GALNTL6: variants seen among roughly 807,000 people sequenced by gnomAD.
The protein encoded by GALNTL6 is polypeptide N-acetylgalactosaminyltransferase-like 6.
A neutral mutation model predicts 73.7 loss-of-function variants in GALNTL6; 46 were observed. The observed-to-expected ratio is 0.62, with a 90% CI of 0.49 to 0.80. GALNTL6 has a LOEUF of 0.80. Among genes scored for constraint, GALNTL6 ranks in the 30% least tolerant of loss-of-function variants. The pLI, the probability that GALNTL6 is intolerant of heterozygous loss-of-function variation, is 0.00. For missense variants in GALNTL6, 604 were observed against 755.0 expected (o/e 0.80, Z 2.34); for synonymous variants, 259 against 263.7 (o/e 0.98, Z 0.17).
At chr4:173,005,114 A>AC (rs2126484622) in intron 10 of GALNTL6, among the ~76,000 whole-genome samples, 1 of 568 alleles carries the variant, frequency 1.8e-3, no homozygotes, top group African/African-American at 2.4e-3. Context: ...GGCCGGTATT[A>AC]AGCTAAGCCT....
At chr4:172,058,342 C>T (rs535268657) in intron 2 of GALNTL6, among the ~76,000 whole-genome samples, 10 of 152,022 alleles carry the variant, frequency 6.6e-5, no homozygotes, top group South Asian at 6.2e-4. Context: ...AAATTGAGAC[C>T]GAATTAAATA....
chr4:172,440,010 G>A (rs1579073068), intron 5 of GALNTL6, among the ~76,000 whole-genome samples: 1 of 152,044 alleles, frequency 6.6e-6, no homozygotes, highest in Non-Finnish European at 1.5e-5. Flanking sequence ...ACCAAATGCT[G>A]GTAAGGATGT....
intron 5 of GALNTL6, among the ~76,000 whole-genome samples, chr4:172,673,834 C>T (rs749011209): frequency 2.6e-5 from 4 of 152,122 alleles, no homozygotes; most frequent in Non-Finnish European, 5.9e-5. Context: ...GGATTTTTCT[C>T]CCTCCCTTTA....
chr4:172,482,843 C>G (rs1733538547), intron 5 of GALNTL6, among the ~76,000 whole-genome samples: 5 of 152,096 alleles, frequency 3.3e-5, no homozygotes, highest in Admixed American at 2.0e-4. Context: ...GTACCCAGCA[C>G]AAAGTAAAAA....
rs114856739 is a variant in GALNTL6, at chr4:172,249,751, T to G, written c.247+19987T>G. Among the ~76,000 whole-genome samples the G allele has an allele frequency of 7.7e-3, 1,168 of 152,308 alleles. 14 individuals are homozygous for G. The highest frequency in any genetic ancestry group is 0.026 in the African/African-American group (1,094 of 41,570). ...CCAAGCCTTGCCAGCTTCCAGGTCG[T>G]GTAGGTCCTGTGGATTCTCAGAAGA... On this transcript the variant is annotated intron_variant, in intron 3 of 12. Coordinates refer to ENST00000506823, the MANE Select transcript of GALNTL6 (RefSeq NM_001034845.3).
intron 9 of GALNTL6, among the ~76,000 whole-genome samples, chr4:172,939,107 T>C (rs947250327): frequency 6.6e-6 from 1 of 152,060 alleles, no homozygotes; most frequent in South Asian, 2.1e-4. Context: ...CTGGGCAACA[T>C]AGCAAGGCCC....
At chr4:172,420,696 A>G (rs1378964333) in intron 5 of GALNTL6, among the ~76,000 whole-genome samples, 3 of 152,092 alleles carry the variant, frequency 2.0e-5, no homozygotes, top group African/African-American at 7.2e-5. Flanking sequence ...TCCTTAGTAT[A>G]TATGAGTTCA....
intron 5 of GALNTL6, among the ~76,000 whole-genome samples, chr4:172,788,683 A>T: frequency 6.6e-6 from 1 of 151,416 alleles, no homozygotes; most frequent in Non-Finnish European, 1.5e-5. Context: ...AAAAAAAAAA[A>T]AAAAAAAAGA....
chr4:172,307,768 A>G (rs547782944), intron 3 of GALNTL6, among the ~76,000 whole-genome samples: 3 of 152,256 alleles, frequency 2.0e-5, no homozygotes, highest in East Asian at 1.9e-4. Context: ...GCCTTGTAGT[A>G]TAATTTGAAG....
intron 5 of GALNTL6, among the ~76,000 whole-genome samples, chr4:172,512,553 T>C (rs1360438507): frequency 6.6e-6 from 1 of 152,206 alleles, no homozygotes; most frequent in African/African-American, 2.4e-5. Context: ...GTTTATGCTC[T>C]AAGAAGGTTC....
chr4:172,745,430 C>CATATATATATATAT (rs960280899), intron 5 of GALNTL6, among the ~76,000 whole-genome samples: 5 of 107,434 alleles, frequency 4.7e-5, no homozygotes, highest in African/African-American at 1.7e-4. Flanking sequence ...CTTTTCAAAA[C>CATATATATATATAT]ATATATATAT....
chr4:171,869,991 T>C (rs1736091015), intron 2 of GALNTL6, among the ~76,000 whole-genome samples: 2 of 152,108 alleles, frequency 1.3e-5, no homozygotes, highest in African/African-American at 4.8e-5. Context: ...TACATTTTTA[T>C]CCCAACACCT....
chr4:172,640,318 T>C (rs1161852848), intron 5 of GALNTL6, among the ~76,000 whole-genome samples: 1 of 152,116 alleles, frequency 6.6e-6, no homozygotes, highest in Non-Finnish European at 1.5e-5. Context: ...TGACCGGATG[T>C]TCTGCCTCCA....
intron 5 of GALNTL6, among the ~76,000 whole-genome samples, chr4:172,801,201 T>G (rs528041570): frequency 6.6e-6 from 1 of 152,330 alleles, no homozygotes; most frequent in East Asian, 1.9e-4. Flanking sequence ...AATTTGTAAT[T>G]AATTAGCTGA....
At chr4:172,320,833 G>A (rs528931101) in intron 4 of GALNTL6, among the ~76,000 whole-genome samples, 4 of 152,318 alleles carry the variant, frequency 2.6e-5, no homozygotes, top group South Asian at 4.1e-4. Flanking sequence ...CAGGCTGAAT[G>A]TGGGCAACCC....
intron 5 of GALNTL6, among the ~76,000 whole-genome samples, chr4:172,539,049 A>G (rs932414851): frequency 6.6e-6 from 1 of 152,242 alleles, no homozygotes; most frequent in African/African-American, 2.4e-5. Flanking sequence ...TCAGTAAAAT[A>G]ATATGATGGA....
Position 172,082,586 on chromosome 4 carries a change from C to T in GALNTL6, c.139-147070C>T, listed in dbSNP as rs139315449. Among the ~76,000 whole-genome samples, 232 of 151,884 alleles carry T rather than the reference C, an allele frequency of 1.5e-3. 2 individuals carry two copies. The highest frequency in any genetic ancestry group is 5.3e-3 in the African/African-American group (221 of 41,406). ...AAAGACAATGAACATTGAAAGTAAA[C>T]GGGAGAAGAAAAGCAAGAAAGATTG... On this transcript the variant is annotated intron_variant, in intron 2 of 12. Transcript: ENST00000506823.
At position 171,986,014 on chromosome 4, in the gene GALNTL6, A is replaced by G. The variant is rs978051416; in HGVS notation, c.138+171296A>G. ...GAATGCACCACTGCACTCCAGCCTG[A>G]GTGACAGAGCCAGACTCTGTCTCAA... is the stretch of plus-strand genomic sequence containing the variant. On this transcript the variant is annotated intron_variant, in intron 2 of 12. Transcript: ENST00000506823. Among the ~76,000 whole-genome samples the G allele has an allele frequency of 1.6e-3, 187 of 115,928 alleles. 1 individual carries two copies. The highest frequency in any genetic ancestry group is 5.8e-3 in the African/African-American group (174 of 30,202). 76.1% of individuals were successfully genotyped at this position (115,928 alleles called of 152,430 possible).
intron 2 of GALNTL6, among the ~76,000 whole-genome samples, chr4:172,120,577 T>A (rs1733120518): frequency 1.3e-5 from 2 of 152,174 alleles, no homozygotes; most frequent in South Asian, 4.2e-4. Context: ...AGTAACATAT[T>A]GATAGGTTCT....
Sources: gnomAD v4.1 joint callset for allele counts (sites outside exome capture counted in the v4.1 genomes callset) on GRCh38, gnomAD v4.1.1 for gene constraint, MANE v1.5 for transcripts, NCBI Gene and HGNC (gene_info 2026-07-23, HGNC 2026-07-21) for gene names.